The following LRBA variants were observed in gnomAD, a reference collection of about 807,000 sequenced individuals.
LRBA encodes the protein lipopolysaccharide-responsive and beige-like anchor protein.
Under a neutral mutation model 330.0 loss-of-function variants are expected in LRBA, and 176 were observed. That is an observed-to-expected ratio of 0.53 (90% confidence interval 0.47 to 0.60). The LOEUF (loss-of-function observed/expected upper bound fraction) is 0.60. LRBA is among the 20% of genes least tolerant of loss of function. The pLI, the probability that LRBA is intolerant of heterozygous loss-of-function variation, is 0.00. For missense variants in LRBA, 3,259 were observed against 3,444.8 expected, an observed-to-expected ratio of 0.95 and a Z score of 1.35; for synonymous variants, 1,230 against 1,193.0, an observed-to-expected ratio of 1.03 and a Z score of -0.64.
At chr4:150,298,206 T>A (rs1729201920) in intron 53 of LRBA, among the ~76,000 whole-genome samples, 2 of 152,220 alleles carry the variant, frequency 1.3e-5, no homozygotes, top group East Asian at 1.9e-4. Context: ...AATTCCTAAA[T>A]ATGTGTACAA....
chr4:151,008,988 A>AAAAAAAATAT (rs1554018903), intron 2 of LRBA, among the ~76,000 whole-genome samples: 2 of 5,524 alleles, frequency 3.6e-4, no homozygotes, highest in African/African-American at 9.3e-4. Flanking sequence ...AAAAAAAAAA[A>AAAAAAAATAT]ATATATATAT....
At chr4:151,002,506 A>C (rs1356998811) in intron 2 of LRBA, among the ~76,000 whole-genome samples, 1 of 151,308 alleles carries the variant, frequency 6.6e-6, no homozygotes. Context: ...CAGAGGTTGC[A>C]GTGAGCTGAG....
Position 150,775,452 on chromosome 4 carries a change from AACACACACACACACACACACAC to A in LRBA, c.5581-13627_5581-13606del, listed in dbSNP as rs200525703. 8.8e-5 allele frequency among the ~76,000 whole-genome samples: 3 copies of A among 33,954 alleles called. No homozygotes were observed. The Admixed American group carries it at 9.3e-4, about 11-fold the overall frequency. 22.3% of individuals were successfully genotyped at this position (33,954 alleles called of 152,430 possible). Reference sequence around the variant, plus strand: ...ATTTCTAAAAGGAAGTCTGCAATGGAACACACACACACACACACACACACACACACACACACACACACACACA... The same window carrying A: ...ATTTCTAAAAGGAAGTCTGCAATGGAACACACACACACACACACACACACA... On this transcript the variant is annotated intron_variant, in intron 34 of 56. Transcript: ENST00000651943.
chr4:150,536,779 G>C (rs1289333413), intron 40 of LRBA, among the ~76,000 whole-genome samples: 1 of 152,102 alleles, frequency 6.6e-6, no homozygotes, highest in Non-Finnish European at 1.5e-5. Flanking sequence ...AACAAATGAG[G>C]TGAAAGGTCT....
intron 2 of LRBA, among the ~76,000 whole-genome samples, chr4:150,970,170 A>G (rs1483727259): frequency 6.6e-6 from 1 of 152,108 alleles, no homozygotes; most frequent in Admixed American, 6.6e-5. Flanking sequence ...AGGTGTGTGC[A>G]TTGTTTTTTT....
At chr4:150,674,695 A>C (rs946121715) in intron 37 of LRBA, among the ~76,000 whole-genome samples, 2 of 152,160 alleles carry the variant, frequency 1.3e-5, no homozygotes, top group South Asian at 2.1e-4. Flanking sequence ...TGGGCAACAC[A>C]GTAAGACCCC....
chr4:150,465,954 T>G (rs529119979), intron 44 of LRBA, among the ~76,000 whole-genome samples: 2 of 152,088 alleles, frequency 1.3e-5, no homozygotes, highest in South Asian at 4.1e-4. Flanking sequence ...TATAATAAAT[T>G]ATGAAATGTA....
chr4:150,552,014 T>C (rs1766665654), intron 40 of LRBA, among the ~76,000 whole-genome samples: 1 of 152,134 alleles, frequency 6.6e-6, no homozygotes, highest in Non-Finnish European at 1.5e-5. Flanking sequence ...TCGTCTGACA[T>C]TAGAGTCTCA....
chr4:150,858,375 CTCTT>C (rs1195376255), intron 22 of LRBA, among the ~76,000 whole-genome samples: 3 of 151,154 alleles, frequency 2.0e-5, no homozygotes, highest in Admixed American at 1.3e-4. Flanking sequence ...CTGTCTCTCT[CTCTT>C]TTTCTTTTTT....
intron 36 of LRBA, among the ~76,000 whole-genome samples, chr4:150,689,353 A>C (rs1449100751): frequency 6.6e-6 from 1 of 152,102 alleles, no homozygotes; most frequent in Non-Finnish European, 1.5e-5. Context: ...AGAAATACCT[A>C]ATGCAGATGA....
intron 36 of LRBA, among the ~76,000 whole-genome samples, chr4:150,713,453 C>T (rs965676261): frequency 2.0e-5 from 3 of 152,156 alleles, no homozygotes; most frequent in African/African-American, 4.8e-5. Flanking sequence ...ATTTCAGGAA[C>T]TCGGAAAAAT....
intron 2 of LRBA, among the ~76,000 whole-genome samples, chr4:150,956,629 C>T (rs1413190430): frequency 2.7e-5 from 4 of 148,906 alleles, no homozygotes; most frequent in South Asian, 4.1e-4. Flanking sequence ...AAATCCTCAA[C>T]AAAATACTAG....
chr4:150,525,471 T>A (rs917148496), intron 40 of LRBA, among the ~76,000 whole-genome samples: 2 of 152,184 alleles, frequency 1.3e-5, no homozygotes, highest in Non-Finnish European at 2.9e-5. Context: ...GTGTGCTAGA[T>A]AAACGGCCTA....
At chr4:150,680,748 A>C (rs1782983412) in intron 37 of LRBA, among the ~76,000 whole-genome samples, 2 of 152,088 alleles carry the variant, frequency 1.3e-5, no homozygotes, top group Non-Finnish European at 2.9e-5. Context: ...CCTATACTGA[A>C]TGTAGCACCT....
At chr4:150,957,563 C>T (rs1737675339) in intron 2 of LRBA, among the ~76,000 whole-genome samples, 1 of 148,464 alleles carries the variant, frequency 6.7e-6, no homozygotes, top group South Asian at 2.1e-4. Flanking sequence ...CTCATATCCT[C>T]ACATTTCAAA....
intron 53 of LRBA, among the ~76,000 whole-genome samples, chr4:150,293,127 T>C (rs1181367183): frequency 6.6e-6 from 1 of 152,182 alleles, no homozygotes; most frequent in African/African-American, 2.4e-5. Context: ...ATACAATATA[T>C]GCCAGTCATT....
intron 48 of LRBA, among the ~76,000 whole-genome samples, chr4:150,330,184 T>G (rs772417791): frequency 3.3e-5 from 5 of 152,210 alleles, no homozygotes; most frequent in Non-Finnish European, 7.3e-5. Flanking sequence ...TCAGTCAAGC[T>G]GGTTTTCTTC....
At chr4:150,751,712 G>A (rs1733581350) in intron 35 of LRBA, among the ~76,000 whole-genome samples, 1 of 152,082 alleles carries the variant, frequency 6.6e-6, no homozygotes, top group Admixed American at 6.6e-5. Flanking sequence ...TACACCTACA[G>A]TGCAAGAAGG....
chr4:150,864,681 C>CT (rs1752451334), intron 22 of LRBA, among the ~76,000 whole-genome samples: 2 of 137,128 alleles, frequency 1.5e-5, no homozygotes, highest in African/African-American at 5.5e-5. Flanking sequence ...GAGTCTCACT[C>CT]TGTCACCCAG....
Sources: allele counts gnomAD v4.1 joint callset (sites outside exome capture counted in the v4.1 genomes callset), GRCh38; gene constraint gnomAD v4.1.1; transcripts MANE v1.5; gene names NCBI Gene and HGNC (gene_info 2026-07-23, HGNC 2026-07-21).